Variants in EHD1 observed in about 807,000 individuals in gnomAD.
EHD1 encodes the protein EH domain-containing protein 1.
Under a neutral mutation model 39.0 loss-of-function variants are expected in EHD1, and 19 were observed. The ratio of observed to expected loss-of-function variants is 0.49; its 90% CI spans 0.34 to 0.72. The LOEUF (loss-of-function observed/expected upper bound fraction) is 0.72, where lower values mean the gene tolerates loss of function less well. EHD1 is among the 30% of genes least tolerant of loss of function. The probability of loss-of-function intolerance (pLI) is 0.01; values close to 1 mark genes in which losing one functional copy is unlikely to be tolerated. For missense variants in EHD1, 542 were observed against 751.5 expected, an observed-to-expected ratio of 0.72 and a Z score of 3.26; for synonymous variants, 323 against 331.2, an observed-to-expected ratio of 0.98 and a Z score of 0.27.
In EHD1 at chr11:64,878,346, T is replaced by C. The variant is rs1241683742; in HGVS notation, c.119A>G (p.Tyr40Cys). 1.2e-6 allele frequency: 2 copies of C among 1,613,944 alleles called. No individual in the cohort carries two copies. Among genetic ancestry groups the C allele is most frequent in the Admixed American group, 1.7e-5 (1 of 60,016 alleles). ...AQKLLPLEEH[Y>C]RFHEFHSPAL... Reference sequence around the variant, plus strand: ...GGGCGAGTGGAACTCGTGGAAGCGGTAGTGCTCCTCCAGGGGTAGCAGCTT... The same window carrying C: ...GGGCGAGTGGAACTCGTGGAAGCGGCAGTGCTCCTCCAGGGGTAGCAGCTT... The change falls in exon 1 of 5, where the codon TAC becomes TGC. Residue 40 changes from tyrosine to cysteine, a missense_variant. Coordinates refer to ENST00000320631, the MANE Select transcript of EHD1 (RefSeq NM_006795.4).
intron 3 of EHD1, among the ~76,000 whole-genome samples, chr11:64,857,242 T>C (rs183230124): frequency 1.3e-5 from 2 of 152,204 alleles, no homozygotes; most frequent in Admixed American, 1.3e-4. Flanking sequence ...CTGATCAACA[T>C]GGTGAAACCC....
chr11:64,868,059 C>A lies in EHD1; in HGVS notation c.502+6362G>T, dbSNP rs1212733979. ...GAAGGGGAAGAGGGAGGTTCTCAGG[C>A]CTCCCCGCCCTACCCCAGCAGCCTC... On this transcript the variant is annotated intron_variant, in intron 2 of 4. Coordinates refer to ENST00000320631, the MANE Select transcript of EHD1 (RefSeq NM_006795.4). This position sits in a 1 kb window ranked among gnomAD's most constrained non-coding sequence, Gnocchi z 4.2. Among the ~76,000 whole-genome samples the A allele has an allele frequency of 6.6e-6, 1 of 152,236 alleles. No individual in the cohort carries two copies. The highest frequency in any genetic ancestry group is 2.4e-5 in the African/African-American group (1 of 41,464).
At chr11:64,872,014 GC>G (rs926608819) in intron 2 of EHD1, among the ~76,000 whole-genome samples, 4 of 152,226 alleles carry the variant, frequency 2.6e-5, no homozygotes, top group Non-Finnish European at 5.9e-5. Flanking sequence ...AGACACCTCT[GC>G]CTGCCTCTTT....
At chr11:64,863,809 T>A (rs1943740653) in intron 2 of EHD1, among the ~76,000 whole-genome samples, 1 of 152,246 alleles carries the variant, frequency 6.6e-6, no homozygotes, top group Non-Finnish European at 1.5e-5. Flanking sequence ...TGAAGTTCTT[T>A]TCCTAACTTC....
intron 2 of EHD1, among the ~76,000 whole-genome samples, chr11:64,871,872 C>A (rs545170586): frequency 6.6e-6 from 1 of 152,224 alleles, no homozygotes; most frequent in Non-Finnish European, 1.5e-5. Flanking sequence ...TCTGCACAGG[C>A]AACTCCAGGG....
At chr11:64,869,017 C>A (rs1027962240) in intron 2 of EHD1, among the ~76,000 whole-genome samples, 1 of 152,304 alleles carries the variant, frequency 6.6e-6, no homozygotes, top group African/African-American at 2.4e-5. Flanking sequence ...TGGCACACTG[C>A]GAGCAGGAGT....
chr11:64,865,932 T>C (rs1188528947), intron 2 of EHD1, among the ~76,000 whole-genome samples: 2 of 151,988 alleles, frequency 1.3e-5, no homozygotes, highest in East Asian at 2.0e-4. Flanking sequence ...GTTCAGCCAC[T>C]GTGAAAAGCA....
chr11:64,860,797 G>A (rs1346968381), intron 2 of EHD1, among the ~76,000 whole-genome samples: 16 of 151,846 alleles, frequency 1.1e-4, no homozygotes, highest in African/African-American at 3.9e-4. Flanking sequence ...TGAGGTGGGT[G>A]GATCACAAGG....
rs376511898 is a variant in EHD1, at chr11:64,855,496, C to A, written c.916-10G>T. 3.1e-6 allele frequency: 5 copies of A among 1,613,536 alleles called. No homozygotes were observed. The highest frequency in any genetic ancestry group is 2.5e-6 in the Non-Finnish European group (3 of 1,179,972). On this transcript the variant is annotated splice_polypyrimidine_tract_variant and intron_variant, in intron 3 of 4. Coordinates refer to ENST00000320631, the MANE Select transcript of EHD1 (RefSeq NM_006795.4). ...TGATGTAGGCGTGAACCTGTGAGGACGGGGTGAGCATCAGGCGCTCTCTTG... is the reference window on the plus strand; with the variant it reads ...TGATGTAGGCGTGAACCTGTGAGGAAGGGGTGAGCATCAGGCGCTCTCTTG...
At chr11:64,879,482 G>T (rs1943930062), upstream of EHD1, 2 of 1,384,072 alleles carry the variant, frequency 1.4e-6, no homozygotes, top group African/African-American at 1.4e-5. Flanking sequence ...AAGAGGGGAA[G>T]TGTGGGGGCA....
intron 2 of EHD1, among the ~76,000 whole-genome samples, chr11:64,865,399 G>T (rs1323982410): frequency 6.6e-6 from 1 of 152,250 alleles, no homozygotes; most frequent in Non-Finnish European, 1.5e-5. Context: ...AACAGGGCTT[G>T]CCAGCACCCC....
chr11:64,854,511 A>T lies in EHD1; in HGVS notation c.1427T>A (p.Leu476His), dbSNP rs1943623356. The change falls in exon 5 of 5, where the codon CTC becomes CAC. Residue 476 changes from leucine to histidine, a missense_variant. Leu to His is a moderately conservative substitution (Grantham distance 99). Coordinates refer to ENST00000320631, the MANE Select transcript of EHD1 (RefSeq NM_006795.4). ...GATCTTCCCTAGCACGGTGTTGGGG[A>T]GCTTGGACTTCACCATCTCCTTCTT... ...NAKKEMVKSK[L>H]PNTVLGKIWK... 6.2e-7 allele frequency: 1 copy of T among 1,614,050 alleles called. No homozygotes were observed. The highest frequency in any genetic ancestry group is 2.2e-5 in the East Asian group (1 of 44,856).
rs765330673 is a variant in EHD1 at position 64,860,076 on chromosome 11, C to T, written c.763G>A (p.Gly255Ser). The change falls in exon 3 of 5, where the codon GGC becomes AGC. Residue 255 changes from glycine (G) to serine (S), a missense_variant. Gly to Ser is a moderately conservative substitution (Grantham distance 56, BLOSUM62 0). Coordinates refer to ENST00000320631, the MANE Select transcript of EHD1 (RefSeq NM_006795.4). ...NTPEVVRVYI[G>S]SFWSHPLLIP... Reference sequence around the variant, plus strand: ...AGGAGCGGGTGGGACCAGAAGGAGCCGATGTAGACCCTGACCACCTCGGGG... The same window carrying T: ...AGGAGCGGGTGGGACCAGAAGGAGCTGATGTAGACCCTGACCACCTCGGGG... 27 of 1,614,004 alleles carry T rather than the reference C, an allele frequency of 1.7e-5. No homozygotes were observed. Among genetic ancestry groups the T allele is most frequent in the Admixed American group, 6.7e-5 (4 of 60,002 alleles).
chr11:64,855,717 G>C lies in EHD1; in HGVS notation c.916-231C>G, dbSNP rs972855481. ...CTGCCACAGGACAGAGGACAGGACA[G>C]GAAAACGCACTTGAAACAGAAGACA... On this transcript the variant is annotated intron_variant, in intron 3 of 4. Transcript: ENST00000320631. 3 of 572,386 alleles carry C rather than the reference G, an allele frequency of 5.2e-6. No homozygotes were observed. In the African/African-American group the frequency reaches 5.6e-5, roughly 11 times the overall value. The allele number at this position is 572,386 out of a possible 1,614,324, so 35.5% of individuals were successfully genotyped here.
At chr11:64,864,938 G>A (rs1286943398) in intron 2 of EHD1, among the ~76,000 whole-genome samples, 1 of 152,152 alleles carries the variant, frequency 6.6e-6, no homozygotes, top group Admixed American at 6.5e-5. Flanking sequence ...AAAAAGGAGG[G>A]GAAGGAAGAA....
At chr11:64,856,984 A>G (rs4121767) in intron 3 of EHD1, among the ~76,000 whole-genome samples, 118,734 of 151,702 alleles carry the variant, frequency 0.78, 48,148 homozygotes, top group Non-Finnish European at 0.89. Flanking sequence ...CAAGGAGAGA[A>G]ACTCAGCTAG....
At chr11:64,869,016 G>T (rs145810569) in intron 2 of EHD1, among the ~76,000 whole-genome samples, 19 of 152,338 alleles carry the variant, frequency 1.2e-4, no homozygotes, top group African/African-American at 4.3e-4. Context: ...CTGGCACACT[G>T]CGAGCAGGAG....
chr11:64,864,326 G>A (rs535680723), intron 2 of EHD1, among the ~76,000 whole-genome samples: 2 of 152,250 alleles, frequency 1.3e-5, no homozygotes, highest in African/African-American at 2.4e-5. Context: ...GAAGGGCATC[G>A]TGCCAGGGCA....
chr11:64,878,837 GT>G (rs950938069), upstream of EHD1: 72 of 1,132,944 alleles, frequency 6.4e-5, no homozygotes, highest in African/African-American at 1.1e-3. Context: ...AACCGCACCT[GT>G]TTCGCCCCGC....
Sources: gnomAD v4.1 joint callset for allele counts (sites outside exome capture counted in the v4.1 genomes callset) on GRCh38, gnomAD v4.1.1 for gene constraint, Gnocchi (gnomAD v3.1) non-coding constraint, MANE v1.5 for transcripts, NCBI Gene and HGNC (gene_info 2026-07-23, HGNC 2026-07-21) for gene names.